The following PCDHGA9 variants were observed in gnomAD, a reference collection of about 807,000 sequenced individuals.
PCDHGA9 encodes protocadherin gamma subfamily A, 9.
In PCDHGA9, 37 loss-of-function variants were observed where a neutral mutation model predicts 62.5. The observed-to-expected ratio is 0.59, with a 90% CI of 0.46 to 0.78. The LOEUF is 0.78. Ranked by LOEUF, PCDHGA9 falls within the 30% of genes least tolerant of loss-of-function variation. The pLI is 0.00. For synonymous variants in PCDHGA9, 459 were observed against 484.6 expected (o/e 0.95, Z 0.69); for missense variants, 1,138 against 1,166.2 (o/e 0.98, Z 0.35).
chr5:141,416,615 C>T (rs1156238298), intron 1 of PCDHGA9: 1 of 152,088 alleles, frequency 6.6e-6, no homozygotes, highest in Non-Finnish European at 1.5e-5. Context: ...AATGCCATTT[C>T]TGCAGATCAG....
At position 141,405,149 on chromosome 5, in the gene PCDHGA9, G is replaced by T. The variant is rs1469979881; in HGVS notation, c.2197G>T (p.Ala733Ser). Residue 733 changes from alanine (A) to serine (S), a missense_variant, in exon 1 of 4, where the codon GCT becomes TCT. Physicochemically the swap from Ala to Ser is moderately conservative, Grantham distance 99. Coordinates refer to ENST00000573521, the MANE Select transcript of PCDHGA9 (RefSeq NM_018921.3). ...GCTGCGGGCTACCAGTGATGGGTTG[G>T]CTGGTGTGCCCACCTCACACTTTGT... ...HLLRATSDGL[A>S]GVPTSHFVGV... The T allele has an allele frequency of 2.5e-6, 4 of 1,614,038 alleles. No homozygotes were observed. The highest frequency in any genetic ancestry group is 3.4e-6 in the Non-Finnish European group (4 of 1,179,926).
intron 1 of PCDHGA9, chr5:141,408,003 C>A: frequency 3.3e-6 from 3 of 917,520 alleles, no homozygotes; most frequent in Non-Finnish European, 4.7e-6. Context: ...GCCTGGGATT[C>A]CCTGCGCAGC....
At position 141,485,163 on chromosome 5, in the gene PCDHGA9, G is replaced by A. The variant is rs2099608470; in HGVS notation, c.2425-9644G>A. 14 of 1,604,624 alleles carry A rather than the reference G, an allele frequency of 8.7e-6. No individual in the cohort carries two copies. The highest frequency in any genetic ancestry group is 1.1e-5 in the Non-Finnish European group (13 of 1,172,560). ...TCTCAGGAGCAAGTAGAGAATTAGCGGGCGGCAGCAATGCTCCGCAAGGTG... is the reference window on the plus strand; with the variant it reads ...TCTCAGGAGCAAGTAGAGAATTAGCAGGCGGCAGCAATGCTCCGCAAGGTG... On this transcript the variant is annotated intron_variant, in intron 1 of 3. Coordinates refer to ENST00000573521, the MANE Select transcript of PCDHGA9 (RefSeq NM_018921.3). The surrounding 1 kb of genome is among the most constrained non-coding windows in gnomAD (Gnocchi z 5.7).
chr5:141,491,648 T>G lies in PCDHGA9; in HGVS notation c.2425-3159T>G, dbSNP rs756792762. 1 of 1,613,834 alleles carries G rather than the reference T, an allele frequency of 6.2e-7. No individual in the cohort carries two copies. Among genetic ancestry groups the G allele is most frequent in the Non-Finnish European group, 8.5e-7 (1 of 1,180,002 alleles). On this transcript the variant is annotated intron_variant, in intron 1 of 3. Coordinates refer to ENST00000573521, the MANE Select transcript of PCDHGA9 (RefSeq NM_018921.3). This position sits in a 1 kb window ranked among gnomAD's most constrained non-coding sequence, Gnocchi z 6.9. Reference sequence around the variant, plus strand: ...GTTCAGCAGCCCACAGCTCTGGCGCTGGAGCCTGACGCCATCCGGTCCCGC... The same window carrying G: ...GTTCAGCAGCCCACAGCTCTGGCGCGGGAGCCTGACGCCATCCGGTCCCGC...
chr5:141,410,847 G>GTAT, intron 1 of PCDHGA9: 2 of 158,246 alleles, frequency 1.3e-5, no homozygotes, highest in Non-Finnish European at 1.0e-5. Context: ...TTTTGTCTTT[G>GTAT]TCTTTTTTTT....
chr5:141,432,209 A>C lies in PCDHGA9; in HGVS notation c.2424+26833A>C, dbSNP rs1473794319. ...CGCCCACGACCCCGACTGTGAAGAGAACGCCCAGATCACTTATTCCCTGGC... is the reference window on the plus strand; with the variant it reads ...CGCCCACGACCCCGACTGTGAAGAGCACGCCCAGATCACTTATTCCCTGGC... On this transcript the variant is annotated intron_variant, in intron 1 of 3. Transcript: ENST00000573521. This position sits in a 1 kb window ranked among gnomAD's most constrained non-coding sequence, Gnocchi z 6.0. 2 of 1,614,098 alleles carry C rather than the reference A, an allele frequency of 1.2e-6. No homozygotes were observed. Among genetic ancestry groups the C allele is most frequent in the Non-Finnish European group, 8.5e-7 (1 of 1,180,032 alleles).
rs757410882 is a variant in PCDHGA9 at position 141,421,504 on chromosome 5, C to T, written c.2424+16128C>T. 8 of 1,614,062 alleles carry T rather than the reference C, an allele frequency of 5.0e-6. No homozygotes were observed. The highest frequency in any genetic ancestry group is 3.3e-5 in the South Asian group (3 of 91,088). ...CTTGATCACGGCAGGCAGGATAGACCGGGAGGAGCTCTGTGAGACGGTGTC... is the reference window on the plus strand; with the variant it reads ...CTTGATCACGGCAGGCAGGATAGACTGGGAGGAGCTCTGTGAGACGGTGTC... On this transcript the variant is annotated intron_variant, in intron 1 of 3. Transcript: ENST00000573521.
At chr5:141,472,980 CAAA>C (rs60579131) in intron 1 of PCDHGA9, among the ~76,000 whole-genome samples, 10 of 86,092 alleles carry the variant, frequency 1.2e-4, no homozygotes, top group Non-Finnish European at 1.2e-4. Context: ...GAGTGAAACT[CAAA>C]AAAAAAAAAA....
At chr5:141,443,055 C>G (rs994152277) in intron 1 of PCDHGA9, among the ~76,000 whole-genome samples, 1 of 152,208 alleles carries the variant, frequency 6.6e-6, no homozygotes, top group Non-Finnish European at 1.5e-5. Flanking sequence ...TATTGTTCCA[C>G]TGAAGAGCGT....
intron 1 of PCDHGA9, chr5:141,411,432 AC>A (rs1483186233): frequency 6.6e-6 from 1 of 151,012 alleles, no homozygotes; most frequent in African/African-American, 2.4e-5. Context: ...ACAAAAAAAA[AC>A]ATTAGCAGAG....
intron 1 of PCDHGA9, among the ~76,000 whole-genome samples, chr5:141,468,830 C>T (rs561511870): frequency 2.0e-5 from 3 of 152,170 alleles, no homozygotes; most frequent in East Asian, 1.9e-4. Flanking sequence ...CAAGCCACTG[C>T]ACTCCAGCCT....
chr5:141,415,289 C>T (rs1413039067), intron 1 of PCDHGA9: 11 of 1,614,088 alleles, frequency 6.8e-6, no homozygotes, highest in African/African-American at 1.3e-5. Flanking sequence ...GCCGCGGTCT[C>T]CTGCGTCTTC....
chr5:141,423,268 T>G (rs752667215), intron 1 of PCDHGA9: 1 of 1,613,552 alleles, frequency 6.2e-7, no homozygotes, highest in South Asian at 1.1e-5. Flanking sequence ...CAGCCTCGAG[T>G]CTCTGGCTAA....
At chr5:141,446,624 G>C (rs1433894248) in intron 1 of PCDHGA9, among the ~76,000 whole-genome samples, 1 of 151,930 alleles carries the variant, frequency 6.6e-6, no homozygotes, top group African/African-American at 2.4e-5. Flanking sequence ...CTACAGGCGT[G>C]CACCACCACG....
chr5:141,410,167 T>A (rs372848702), intron 1 of PCDHGA9: 1 of 1,613,770 alleles, frequency 6.2e-7, no homozygotes, highest in South Asian at 1.1e-5. Flanking sequence ...CGCCACTCTC[T>A]GCCACCGCCA....
chr5:141,404,764 C>G lies in PCDHGA9; in HGVS notation c.1812C>G (p.Leu604=). 6.2e-7 allele frequency: 1 copy of G among 1,613,920 alleles called. No homozygotes were observed. The highest frequency in any genetic ancestry group is 8.5e-7 in the Non-Finnish European group (1 of 1,180,012). The change falls in exon 1 of 4, where the codon CTC becomes CTG. Residue 604 remains leucine (L), a synonymous_variant. Coordinates refer to ENST00000573521, the MANE Select transcript of PCDHGA9 (RefSeq NM_018921.3). The part of the protein sequence containing the change: ...VDRDSGQNAW[L]SYRLFKASEP... ...GAGACTCAGGCCAGAATGCTTGGCTCTCCTACCGCCTATTCAAGGCCAGTG... is the reference window on the plus strand; with the variant it reads ...GAGACTCAGGCCAGAATGCTTGGCTGTCCTACCGCCTATTCAAGGCCAGTG...
chr5:141,436,878 G>T (rs914354261), intron 1 of PCDHGA9, among the ~76,000 whole-genome samples: 1 of 152,216 alleles, frequency 6.6e-6, no homozygotes, highest in African/African-American at 2.4e-5. Context: ...GGCCATAAAA[G>T]ATGGGGGAAA....
intron 1 of PCDHGA9, chr5:141,415,740 G>GTTTTTTTTTTTTTTTTTTTTTTTTT: frequency 1.8e-5 from 11 of 617,990 alleles, no homozygotes; most frequent in Non-Finnish European, 2.4e-5. Context: ...GTTTATTAAG[G>GTTTTTTTTTTTTTTTTTTTTTTTTT]TTTTTTTTTT....
intron 1 of PCDHGA9, chr5:141,408,349 C>T: frequency 6.2e-7 from 1 of 1,613,924 alleles, no homozygotes; most frequent in Non-Finnish European, 8.5e-7. Context: ...TGGTGGGGAA[C>T]CTCGCTAAGG....
Sources: allele counts gnomAD v4.1 joint callset (sites outside exome capture counted in the v4.1 genomes callset), GRCh38; gene constraint gnomAD v4.1.1; non-coding constraint Gnocchi (gnomAD v3.1); transcripts MANE v1.5; gene names NCBI Gene and HGNC (gene_info 2026-07-23, HGNC 2026-07-21).